SORCS2: variants seen among roughly 807,000 people sequenced by gnomAD.
SORCS2 encodes the protein sortilin related VPS10 domain containing receptor 2.
SORCS2 carries 100 observed loss-of-function variants against 141.6 expected under a neutral mutation model. The observed-to-expected ratio is 0.71, with a 90% confidence interval of 0.60 to 0.83. The LOEUF is 0.83. Among genes scored for constraint, SORCS2 ranks in the 40% least tolerant of loss-of-function variants. The probability of loss-of-function intolerance (pLI) is 0.00; values close to 1 mark genes in which losing one functional copy is unlikely to be tolerated. For synonymous variants in SORCS2, 789 were observed against 676.9 expected (o/e 1.17, Z -2.57); for missense variants, 1,646 against 1,560.2 (o/e 1.05, Z -0.93).
intron 2 of SORCS2, among the ~76,000 whole-genome samples, chr4:7,429,125 T>C (rs78247962): frequency 0.14 from 20,973 of 152,214 alleles, 1,818 homozygotes; most frequent in Middle Eastern, 0.28. Context: ...GTGCACTGCA[T>C]TGAGGCACAT....
intron 9 of SORCS2, among the ~76,000 whole-genome samples, chr4:7,680,974 A>G (rs1723490372): frequency 6.6e-6 from 1 of 152,258 alleles, no homozygotes; most frequent in African/African-American, 2.4e-5. Flanking sequence ...GATTTTACCC[A>G]GAGCTCACCC....
At chr4:7,219,079 C>G (rs867599711) in intron 1 of SORCS2, among the ~76,000 whole-genome samples, 4 of 152,094 alleles carry the variant, frequency 2.6e-5, no homozygotes, top group Non-Finnish European at 5.9e-5. Context: ...TTGGGGACCA[C>G]TATGTCTTTC....
intron 1 of SORCS2, among the ~76,000 whole-genome samples, chr4:7,393,487 G>A (rs1016294486): frequency 3.3e-5 from 5 of 152,234 alleles, no homozygotes; most frequent in African/African-American, 9.6e-5. Flanking sequence ...TTTCAGTGTG[G>A]CAGTGAAGAG....
At chr4:7,580,157 G>A (rs1156821335) in intron 3 of SORCS2, among the ~76,000 whole-genome samples, 1 of 152,164 alleles carries the variant, frequency 6.6e-6, no homozygotes, top group African/African-American at 2.4e-5. Context: ...TACACAAATA[G>A]ATAATGCAAT....
chr4:7,277,041 G>T (rs116443475), intron 1 of SORCS2, among the ~76,000 whole-genome samples: 2,453 of 148,932 alleles, frequency 0.016, 61 homozygotes, highest in African/African-American at 0.057. Context: ...TATGTTAACT[G>T]TCCAGCCCCA....
chr4:7,270,064 A>C (rs377591484), intron 1 of SORCS2, among the ~76,000 whole-genome samples: 82 of 152,324 alleles, frequency 5.4e-4, no homozygotes, highest in African/African-American at 1.8e-3. Flanking sequence ...ATTTGTTAGT[A>C]GGCACAGGGT....
At chr4:7,569,327 A>G (rs1316143639) in intron 3 of SORCS2, among the ~76,000 whole-genome samples, 2 of 152,188 alleles carry the variant, frequency 1.3e-5, no homozygotes, top group Non-Finnish European at 2.9e-5. Flanking sequence ...CCTGGCCAAC[A>G]TGGTGAAACC....
intron 6 of SORCS2, among the ~76,000 whole-genome samples, 176 bp downstream of exon 6, chr4:7,661,740 C>T (rs372916777): frequency 3.3e-5 from 5 of 152,150 alleles, no homozygotes; most frequent in Admixed American, 6.5e-5. Flanking sequence ...GGGGAGGAAT[C>T]GAAGTCAGGG....
intron 1 of SORCS2, among the ~76,000 whole-genome samples, chr4:7,241,403 G>T (rs1462961930): frequency 6.6e-6 from 1 of 152,136 alleles, no homozygotes; most frequent in East Asian, 1.9e-4. Context: ...CAGCATGAAC[G>T]CTCCCAGTGG....
chr4:7,334,939 T>G (rs572166727), intron 1 of SORCS2, among the ~76,000 whole-genome samples: 10 of 152,098 alleles, frequency 6.6e-5, no homozygotes, highest in African/African-American at 2.4e-4. Flanking sequence ...GCTCTGAGGC[T>G]GAGGATTAGG....
intron 2 of SORCS2, among the ~76,000 whole-genome samples, chr4:7,479,083 A>T (rs1055562779): frequency 5.3e-5 from 8 of 152,072 alleles, no homozygotes; most frequent in African/African-American, 1.9e-4. Flanking sequence ...GCTCATTACC[A>T]GGAAAGGTTA....
At chr4:7,440,612 G>C (rs1040093378) in intron 2 of SORCS2, among the ~76,000 whole-genome samples, 3 of 152,212 alleles carry the variant, frequency 2.0e-5, no homozygotes, top group African/African-American at 7.2e-5. Context: ...GCCTGCTCTG[G>C]AACTTGGGGG....
intron 2 of SORCS2, among the ~76,000 whole-genome samples, chr4:7,472,446 C>T (rs572495741): frequency 2.6e-5 from 4 of 152,152 alleles, no homozygotes; most frequent in Admixed American, 6.5e-5. Context: ...ACAGAGCCTG[C>T]AGCTGGTCAG....
rs960851902 is a variant in SORCS2 at position 7,233,396 on chromosome 4, C to T, written c.480+40270C>T. On this transcript the variant is annotated intron_variant, in intron 1 of 26. Transcript: ENST00000507866. The surrounding 1 kb of genome is among the most constrained non-coding windows in gnomAD (Gnocchi z 4.5). ...TCCAGGGCAGACGTAGCCCTCATCA[C>T]GTCCTCCACAGCCTCCACAGCAGCC... Among the ~76,000 whole-genome samples the T allele has an allele frequency of 2.0e-5, 3 of 152,188 alleles. No individual in the cohort carries two copies. Among genetic ancestry groups the T allele is most frequent in the African/African-American group, 7.2e-5 (3 of 41,440 alleles).
At chr4:7,289,556 T>C (rs1421531996) in intron 1 of SORCS2, among the ~76,000 whole-genome samples, 1 of 152,202 alleles carries the variant, frequency 6.6e-6, no homozygotes, top group East Asian at 1.9e-4. Flanking sequence ...GATGAATTCA[T>C]TGAAGTCAGC....
At chr4:7,438,800 C>A (rs1316082592) in intron 2 of SORCS2, among the ~76,000 whole-genome samples, 4 of 152,168 alleles carry the variant, frequency 2.6e-5, no homozygotes, top group African/African-American at 9.7e-5. Flanking sequence ...ACCCCTCCCT[C>A]CTTTCCTCTC....
At chr4:7,622,648 C>T (rs1719276102) in intron 3 of SORCS2, among the ~76,000 whole-genome samples, 1 of 152,138 alleles carries the variant, frequency 6.6e-6, no homozygotes, top group Admixed American at 6.5e-5. Flanking sequence ...AGTGCTCTGG[C>T]ACGGAGTCCC....
In SORCS2 at chr4:7,735,156, C is replaced by G. The variant is rs540570121; in HGVS notation, c.3311+782C>G. Among the ~76,000 whole-genome samples the G allele has an allele frequency of 1.0e-3, 158 of 152,350 alleles. 1 individual carries two copies. The highest frequency in any genetic ancestry group is 3.7e-3 in the African/African-American group (155 of 41,590). ...ACTCCTTCCCTGCAAACGCAGCTCCCAGATTTGGCCCTATTGTTTCTCCCC... is the reference window on the plus strand; with the variant it reads ...ACTCCTTCCCTGCAAACGCAGCTCCGAGATTTGGCCCTATTGTTTCTCCCC... On this transcript the variant is annotated intron_variant, in intron 25 of 26. Transcript: ENST00000507866.
chr4:7,508,898 G>T (rs1304949463), intron 2 of SORCS2, among the ~76,000 whole-genome samples: 1 of 152,356 alleles, frequency 6.6e-6, no homozygotes, highest in Admixed American at 6.5e-5. Context: ...TCTGGAGGGA[G>T]TGAGCAGAAG....
Sources: allele counts gnomAD v4.1 joint callset (sites outside exome capture counted in the v4.1 genomes callset), GRCh38; gene constraint gnomAD v4.1.1; non-coding constraint Gnocchi (gnomAD v3.1); transcripts MANE v1.5; gene names NCBI Gene and HGNC (gene_info 2026-07-23, HGNC 2026-07-21).